The following DYRK1A variants were observed in gnomAD, a reference collection of about 807,000 sequenced individuals.
DYRK1A encodes the protein dual specificity tyrosine-phosphorylation-regulated kinase 1A.
A neutral mutation model predicts 79.7 loss-of-function variants in DYRK1A; 9 were observed. The ratio of observed to expected loss-of-function variants is 0.11; its 90% CI spans 0.07 to 0.20. DYRK1A has a LOEUF of 0.20. Ranked by LOEUF, DYRK1A falls within the 10% of genes least tolerant of loss-of-function variation. The pLI, the probability that DYRK1A is intolerant of heterozygous loss-of-function variation, is 1.00. For missense variants in DYRK1A, 622 were observed against 956.0 expected, an observed-to-expected ratio of 0.65 and a Z score of 4.61; for synonymous variants, 349 against 329.7, an observed-to-expected ratio of 1.06 and a Z score of -0.63.
intron 9 of DYRK1A, among the ~76,000 whole-genome samples, chr21:37,500,093 G>A (rs2053396148): frequency 6.6e-6 from 1 of 152,156 alleles, no homozygotes; most frequent in African/African-American, 2.4e-5. Flanking sequence ...TATTTTTGTT[G>A]TTGAAATTTG....
intron 1 of DYRK1A, among the ~76,000 whole-genome samples, chr21:37,380,469 T>C (rs1484684748): frequency 2.6e-5 from 4 of 152,148 alleles, no homozygotes; most frequent in African/African-American, 9.7e-5. Context: ...TAGGTAAATT[T>C]ACCTAGGAAT....
At chr21:37,448,735 C>T (rs2051351441) in intron 2 of DYRK1A, among the ~76,000 whole-genome samples, 1 of 151,934 alleles carries the variant, frequency 6.6e-6, no homozygotes, top group Non-Finnish European at 1.5e-5. Flanking sequence ...TGTTGCCAGG[C>T]TGTCAGGCTG....
intron 1 of DYRK1A, among the ~76,000 whole-genome samples, chr21:37,410,086 T>A (rs1323015464): frequency 6.6e-6 from 1 of 152,216 alleles, no homozygotes; most frequent in African/African-American, 2.4e-5. Context: ...TTGAAGGCTA[T>A]AGGAACAACC....
chr21:37,366,484 C>T (rs1304642846), upstream of DYRK1A, among the ~76,000 whole-genome samples: 2 of 149,630 alleles, frequency 1.3e-5, no homozygotes, highest in Non-Finnish European at 3.0e-5. Flanking sequence ...CCCCCTTCCC[C>T]AGCCCCTACC....
At chr21:37,376,305 C>A (rs559273601) in intron 1 of DYRK1A, among the ~76,000 whole-genome samples, 2 of 152,180 alleles carry the variant, frequency 1.3e-5, no homozygotes, top group Non-Finnish European at 2.9e-5. Flanking sequence ...GTCAGGAGTT[C>A]GAGACCAGCC....
At chr21:37,436,000 A>G (rs2050914342) in intron 2 of DYRK1A, among the ~76,000 whole-genome samples, 1 of 152,104 alleles carries the variant, frequency 6.6e-6, no homozygotes, top group Admixed American at 6.5e-5. Flanking sequence ...AGAAAAAAAA[A>G]TCAGTTCTTT....
intron 1 of DYRK1A, among the ~76,000 whole-genome samples, chr21:37,416,496 T>C (rs2050344589): frequency 6.6e-6 from 1 of 151,988 alleles, no homozygotes; most frequent in Non-Finnish European, 1.5e-5. Flanking sequence ...GTGTTAGGCA[T>C]CAAAACTGTG....
intron 2 of DYRK1A, among the ~76,000 whole-genome samples, chr21:37,452,231 A>G (rs991196930): frequency 2.6e-5 from 4 of 151,378 alleles, no homozygotes; most frequent in African/African-American, 7.3e-5. Flanking sequence ...AGGAGCAGTT[A>G]TTGTAGGGGA....
chr21:37,429,879 G>T (rs901554957), intron 2 of DYRK1A, among the ~76,000 whole-genome samples: 5 of 152,054 alleles, frequency 3.3e-5, no homozygotes, highest in Non-Finnish European at 7.4e-5. Flanking sequence ...ACTATTTTCC[G>T]TTTTAAAATT....
In DYRK1A at chr21:37,512,715, A is replaced by G. The variant is rs1264413919; in HGVS notation, c.*184A>G. On this transcript the variant is annotated 3_prime_UTR_variant, in exon 12 of 12. Transcript: ENST00000647188. ...AAAGGGACATTGAAGTGTTTAAAAG[A>G]GCCATGTCCAAACCCATCTTCATGG... 1.5e-6 allele frequency: 1 copy of G among 685,092 alleles called. No individual in the cohort carries two copies. The highest frequency in any genetic ancestry group is 2.4e-6 in the Non-Finnish European group (1 of 417,402). 42.4% of individuals were successfully genotyped at this position (685,092 alleles called of 1,614,324 possible).
chr21:37,400,244 C>T (rs2050028536), intron 1 of DYRK1A, among the ~76,000 whole-genome samples: 1 of 152,172 alleles, frequency 6.6e-6, no homozygotes, highest in Admixed American at 6.5e-5. Flanking sequence ...TTTGTGATGG[C>T]ATTTAGGGCC....
chr21:37,457,311 C>A (rs1265699296), intron 2 of DYRK1A, among the ~76,000 whole-genome samples: 2 of 152,172 alleles, frequency 1.3e-5, no homozygotes, highest in African/African-American at 4.8e-5. Flanking sequence ...CGGCTCACTG[C>A]AACCTCCACC....
intron 2 of DYRK1A, among the ~76,000 whole-genome samples, chr21:37,434,750 A>G (rs1456267825): frequency 6.6e-6 from 1 of 152,194 alleles, no homozygotes; most frequent in Non-Finnish European, 1.5e-5. Context: ...AATAAACCAA[A>G]TGTTAGTTTT....
chr21:37,443,441 G>A (rs1223065660), intron 2 of DYRK1A, among the ~76,000 whole-genome samples: 1 of 152,060 alleles, frequency 6.6e-6, no homozygotes, highest in Non-Finnish European at 1.5e-5. Flanking sequence ...ATTTTTTATT[G>A]TGTACCAGCC....
At chr21:37,427,481 C>T (rs1339226644) in intron 2 of DYRK1A, among the ~76,000 whole-genome samples, 1 of 152,166 alleles carries the variant, frequency 6.6e-6, no homozygotes, top group East Asian at 1.9e-4. Context: ...CAATATTCTT[C>T]TATAGTACTG....
chr21:37,479,606 G>GTTTTTTTT lies in DYRK1A; in HGVS notation c.301-1027_301-1026insTTTTTTTT, dbSNP rs1183029117. Among the ~76,000 whole-genome samples the GTTTTTTTT allele has an allele frequency of 6.1e-3, 169 of 27,568 alleles. 12 individuals are homozygous for GTTTTTTTT. Among genetic ancestry groups the GTTTTTTTT allele is most frequent in the East Asian group, 0.017 (15 of 878 alleles). 18.1% of individuals were successfully genotyped at this position (27,568 alleles called of 152,430 possible). ...GTGTTGGTGTTTTGTTTTTGTTTTT[G>GTTTTTTTT]TTTTTGTTTTTTGTTTTTTTTTTTT... On this transcript the variant is annotated intron_variant, in intron 4 of 11. Coordinates refer to ENST00000647188, the MANE Select transcript of DYRK1A (RefSeq NM_001347721.2).
intron 1 of DYRK1A, among the ~76,000 whole-genome samples, chr21:37,376,196 C>T (rs2049536376): frequency 6.6e-6 from 1 of 152,118 alleles, no homozygotes; most frequent in South Asian, 2.1e-4. Flanking sequence ...AGTCCATGTG[C>T]CCTTTACTGA....
At chr21:37,479,319 A>T (rs1473710997) in intron 4 of DYRK1A, among the ~76,000 whole-genome samples, 1 of 152,228 alleles carries the variant, frequency 6.6e-6, no homozygotes, top group Non-Finnish European at 1.5e-5. Context: ...ATCTGAATAT[A>T]TCTGATAAAT....
At chr21:37,409,640 A>G (rs1362226474) in intron 1 of DYRK1A, among the ~76,000 whole-genome samples, 2 of 152,186 alleles carry the variant, frequency 1.3e-5, no homozygotes, top group African/African-American at 4.8e-5. Flanking sequence ...TCCTCATAAA[A>G]GATGTATATA....
Sources: gnomAD v4.1 joint callset for allele counts (sites outside exome capture counted in the v4.1 genomes callset) on GRCh38, gnomAD v4.1.1 for gene constraint, MANE v1.5 for transcripts, NCBI Gene and HGNC (gene_info 2026-07-23, HGNC 2026-07-21) for gene names.